The following INTS11 variants were observed in gnomAD, a reference collection of about 807,000 sequenced individuals.
The protein encoded by INTS11 is integrator complex subunit 11, also known as CPSF3-like protein.
INTS11 carries 77 observed loss-of-function variants against 78.6 expected under a neutral mutation model. The observed-to-expected ratio is 0.98, with a 90% CI of 0.81 to 1.18. The LOEUF is 1.18. Ranked by LOEUF, INTS11 falls within the 50% of genes most tolerant of loss-of-function variation. The pLI is 0.00. For missense variants in INTS11, 875 were observed against 825.9 expected (o/e 1.06, Z -0.73); for synonymous variants, 441 against 326.9 (o/e 1.35, Z -3.77).
At position 1,313,714 on chromosome 1, in the gene INTS11, C is replaced by T. The variant is rs199574867; in HGVS notation, c.957+18G>A. On this transcript the variant is annotated intron_variant, in intron 9 of 16. Transcript: ENST00000435064. ...CGACGGGTGTGGATGTGCTGGCCGG[C>T]CCTGCCGCGGGCCTCACCATCGGTC... is the stretch of plus-strand genomic sequence containing the variant. The T allele has an allele frequency of 1.5e-3, 2,490 of 1,610,570 alleles. 17 individuals carry two copies. The highest frequency in any genetic ancestry group is 9.2e-3 in the Middle Eastern group (56 of 6,056).
intron 4 of INTS11, chr1:1,317,379 G>C: frequency 1.5e-6 from 1 of 652,174 alleles, no homozygotes; most frequent in Non-Finnish European, 1.9e-6. Context: ...TGGGCAATGA[G>C]AGCGAAACTC....
At chr1:1,312,198 T>TAGGG (rs752605219) in intron 15 of INTS11, 28 bp downstream of exon 15, 12 of 1,078,596 alleles carry the variant, frequency 1.1e-5, no homozygotes, top group Non-Finnish European at 1.5e-5. Context: ...CCCAAGGGAG[T>TAGGG]GGGGGGGGGG....
chr1:1,324,121 TGCG>T (rs1643164112), intron 1 of INTS11, among the ~76,000 whole-genome samples: 1 of 66,926 alleles, frequency 1.5e-5, no homozygotes, highest in Admixed American at 1.8e-4. Context: ...GCTGAGGGTC[TGCG>T]GGGCTGAGGG....
At position 1,314,960 on chromosome 1, in the gene INTS11, G is replaced by A; in HGVS notation, c.566C>T (p.Ala189Val). The change falls in exon 7 of 17, where the codon GCT becomes GTT. Residue 189 changes from alanine (A) to valine (V), a missense_variant and splice_region_variant. Physicochemically the swap from Ala to Val is moderately conservative, Grantham distance 64. Coordinates refer to ENST00000435064, the MANE Select transcript of INTS11 (RefSeq NM_017871.6). This position sits in a 1 kb window ranked among gnomAD's most constrained non-coding sequence, Gnocchi z 4.2. ...GGGGCGGCACTTGTCAATCCAGGCA[G>A]CTCTGGAACACGGGGGTGGGGGTGT... ...YNMTPDRHLGAAWIDKCRPNL... is the reference protein window; with the variant it reads ...YNMTPDRHLGVAWIDKCRPNL... The A allele has an allele frequency of 6.2e-7, 1 of 1,612,184 alleles. No individual in the cohort carries two copies. The highest frequency in any genetic ancestry group is 8.5e-7 in the Non-Finnish European group (1 of 1,179,288).
chr1:1,315,309 C>A, intron 6 of INTS11, 95 bp downstream of exon 6: 1 of 1,467,464 alleles, frequency 6.8e-7, no homozygotes, highest in Non-Finnish European at 9.5e-7. Context: ...GAGACACTGC[C>A]AGGCTGGCCA....
intron 4 of INTS11, 33 bp downstream of exon 4, chr1:1,319,263 T>C: frequency 6.4e-7 from 1 of 1,557,468 alleles, no homozygotes; most frequent in East Asian, 2.2e-5. Flanking sequence ...GGGTGGGCAG[T>C]GACTGTGCCA....
chr1:1,313,907 AGGTTCATGCGCTCCCT>A lies in INTS11; in HGVS notation c.768-2_781del. The A allele has an allele frequency of 6.2e-7, 1 of 1,612,496 alleles. No homozygotes were observed. Among genetic ancestry groups the A allele is most frequent in the Non-Finnish European group, 8.5e-7 (1 of 1,179,526 alleles). Reference sequence around the variant, plus strand: ...CGTGGAGAAGTAGATGGGCACCTTCAGGTTCATGCGCTCCCTGGGGACCACCGGCCCAGTCAGCACA... The same window carrying A: ...CGTGGAGAAGTAGATGGGCACCTTCAGGGGACCACCGGCCCAGTCAGCACA... On this transcript the variant is annotated splice_acceptor_variant and coding_sequence_variant, in exon 9 of 17. Transcript: ENST00000435064. LOFTEE classifies it high-confidence loss of function.
At position 1,313,775 on chromosome 1, in the gene INTS11, A is replaced by T; in HGVS notation, c.914T>A (p.Ile305Asn). Reference sequence around the variant, plus strand: ...AGCAAAAGCCCGGTCGAAGGCCTTGATGTGCTTGAACTCAAACATGTTCCT... The same window carrying T: ...AGCAAAAGCCCGGTCGAAGGCCTTGTTGTGCTTGAACTCAAACATGTTCCT... ...VQRNMFEFKH[I>N]KAFDRAFADN... Residue 305 changes from isoleucine to asparagine, a missense_variant, in exon 9 of 17, where the codon ATC becomes AAC. Ile to Asn is a moderately radical substitution (Grantham distance 149). Coordinates refer to ENST00000435064, the MANE Select transcript of INTS11 (RefSeq NM_017871.6). 1.9e-6 allele frequency: 3 copies of T among 1,613,368 alleles called. No homozygotes were observed. The highest frequency in any genetic ancestry group is 2.5e-6 in the Non-Finnish European group (3 of 1,179,986).
At position 1,314,915 on chromosome 1, in the gene INTS11, G is replaced by A. The variant is rs1254050060; in HGVS notation, c.611C>T (p.Ser204Phe). 9.9e-6 allele frequency: 16 copies of A among 1,613,084 alleles called. No homozygotes were observed. Among genetic ancestry groups the A allele is most frequent in the Non-Finnish European group, 1.4e-5 (16 of 1,179,954 alleles). ...GTCACGGATGGTCGTGGCGTACGTG[G>A]ACTCTGTGATGAGCAGGTTGGGGCG... ...KCRPNLLITE[S>F]TYATTIRDSK... Residue 204 changes from serine (S) to phenylalanine (F), a missense_variant, in exon 7 of 17, where the codon TCC becomes TTC. By Grantham distance (155) the Ser-to-Phe change is radical (BLOSUM62 -2). Coordinates refer to ENST00000435064, the MANE Select transcript of INTS11 (RefSeq NM_017871.6). The surrounding 1 kb of genome is among the most constrained non-coding windows in gnomAD (Gnocchi z 4.2).
In INTS11 at chr1:1,312,037, A is replaced by G. The variant is rs757953455; in HGVS notation, c.1718T>C (p.Leu573Pro). ...PSEDPGTKVL[L>P]VSWTYQDEEL... ...CCTTACCTGGTAGGTCCAGGAGACC[A>G]GCAGCACCTTGGTGCCTGGGTCCTC... The change falls in exon 16 of 17, where the codon CTG (leucine) becomes CCG (proline). Residue 573 changes from leucine (L) to proline (P), a missense_variant. By Grantham distance (98) the Leu-to-Pro change is moderately conservative. Transcript: ENST00000435064. 1 of 1,575,018 alleles carries G rather than the reference A, an allele frequency of 6.3e-7. No individual in the cohort carries two copies. Among genetic ancestry groups the G allele is most frequent in the Admixed American group, 1.9e-5 (1 of 53,270 alleles).
Position 1,313,928 on chromosome 1 carries a change from ACCACCGG to A in INTS11, c.768-14_768-8del, listed in dbSNP as rs757933269. ...CTTCAGGTTCATGCGCTCCCTGGGG[ACCACCGG>A]CCCAGTCAGCACAGTGGCCACAGGG... On this transcript the variant is annotated splice_polypyrimidine_tract_variant and splice_region_variant and intron_variant, in intron 8 of 16. Transcript: ENST00000435064. 1 of 1,610,620 alleles carries A rather than the reference ACCACCGG, an allele frequency of 6.2e-7. No homozygotes were observed.
In INTS11 at chr1:1,314,110, A is replaced by G. The variant is rs546172271; in HGVS notation, c.768-189T>C. The G allele has an allele frequency of 4.6e-5, 35 of 761,816 alleles. No individual in the cohort carries two copies. Among genetic ancestry groups the G allele is most frequent in the Non-Finnish European group, 6.5e-5 (30 of 460,564 alleles). The allele number at this position is 761,816 out of a possible 1,614,324, so 47.2% of individuals were successfully genotyped here. On this transcript the variant is annotated intron_variant, in intron 8 of 16. Transcript: ENST00000435064. The surrounding 1 kb of genome is among the most constrained non-coding windows in gnomAD (Gnocchi z 4.2). ...TCAGCGGAGAACCAGGAACCCCTAC[A>G]AGAGCCGCACACGGTGGCGCTGACG...
intron 3 of INTS11, 190 bp downstream of exon 3, chr1:1,320,266 A>AAGAACAGAC (rs1251005876): frequency 1.5e-5 from 9 of 611,412 alleles, no homozygotes; most frequent in Non-Finnish European, 2.1e-5. Flanking sequence ...GCAGGGCCGG[A>AAGAACAGAC]AGAACAGACA....
chr1:1,321,082 C>A lies in INTS11; in HGVS notation c.40G>T (p.Asp14Tyr), dbSNP rs1642917793. 1 of 1,610,764 alleles carries A rather than the reference C, an allele frequency of 6.2e-7. No homozygotes were observed. The highest frequency in any genetic ancestry group is 8.5e-7 in the Non-Finnish European group (1 of 1,178,416). Residue 14 changes from aspartate (D) to tyrosine (Y), a missense_variant, in exon 2 of 17, where the codon GAC (aspartate) becomes TAC (tyrosine). Transcript: ENST00000435064. Reference sequence around the variant, plus strand: ...ACCAGGATGCAGCTTCGGCCCACGTCCTGGCCGGCCCCTACTCGAGGGAGG... The same window carrying A: ...ACCAGGATGCAGCTTCGGCCCACGTACTGGCCGGCCCCTACTCGAGGGAGG... ...IRVTPLGAGQ[D>Y]VGRSCILVSI...
chr1:1,315,271 G>A, intron 6 of INTS11, 133 bp downstream of exon 6: 1 of 1,121,368 alleles, frequency 8.9e-7, no homozygotes. Context: ...CAGAACGAAG[G>A]GGGCTCTCCA....
At chr1:1,318,442 G>A (rs1395562687) in intron 4 of INTS11, among the ~76,000 whole-genome samples, 3 of 151,924 alleles carry the variant, frequency 2.0e-5, no homozygotes, top group African/African-American at 7.3e-5. Flanking sequence ...AGGATCCCTG[G>A]AGCCCAGCCC....
chr1:1,313,020 G>A lies in INTS11; in HGVS notation c.1131+15C>T, dbSNP rs373945578. The A allele has an allele frequency of 1.5e-4, 241 of 1,611,206 alleles. No homozygotes were observed. Among genetic ancestry groups the A allele is most frequent in the Non-Finnish European group, 1.9e-4 (221 of 1,179,760 alleles). ...CCCCTCGGCCCTGCCAGCCCAGTGC[G>A]GGGTCGAGACTCACCACCTGCCGCC... On this transcript the variant is annotated intron_variant, in intron 11 of 16. Transcript: ENST00000435064.
chr1:1,324,373 G>A (rs1223849022), intron 1 of INTS11, among the ~76,000 whole-genome samples: 1 of 152,144 alleles, frequency 6.6e-6, no homozygotes, highest in East Asian at 1.9e-4. Context: ...GAACCTCGGG[G>A]CTCGCGTTCT....
intron 4 of INTS11, chr1:1,318,487 T>G (rs549814177): frequency 1.1e-3 from 185 of 162,652 alleles, no homozygotes; most frequent in African/African-American, 4.3e-3. Context: ...CATACCCATC[T>G]CTACAAAAAA....
Sources: allele counts gnomAD v4.1 joint callset (sites outside exome capture counted in the v4.1 genomes callset), GRCh38; gene constraint gnomAD v4.1.1; non-coding constraint Gnocchi (gnomAD v3.1); transcripts MANE v1.5; gene names NCBI Gene and HGNC (gene_info 2026-07-23, HGNC 2026-07-21).